ITPRID2: variants seen among roughly 807,000 people sequenced by gnomAD.
The protein encoded by ITPRID2 is protein ITPRID2.
ITPRID2 carries 60 observed loss-of-function variants against 124.3 expected under a neutral mutation model. That is an observed-to-expected ratio of 0.48 (90% CI 0.39 to 0.60). ITPRID2 has a LOEUF of 0.60. Ranked by LOEUF, ITPRID2 falls within the 20% of genes least tolerant of loss-of-function variation. The probability of loss-of-function intolerance (pLI) is 0.00; values close to 1 mark genes in which losing one functional copy is unlikely to be tolerated. For missense variants in ITPRID2, 1,553 were observed against 1,512.2 expected (o/e 1.03, Z -0.45); for synonymous variants, 521 against 542.9 (o/e 0.96, Z 0.56).
intron 10 of ITPRID2, 44 bp downstream of exon 10, chr2:181,913,977 T>G (rs62192080): frequency 0.17 from 227,097 of 1,326,086 alleles, 21,689 homozygotes; most frequent in Middle Eastern, 0.23. Flanking sequence ...AACTTCCTCA[T>G]TTTAAGGTGG....
chr2:181,922,014 G>A lies in ITPRID2; in HGVS notation c.3277G>A (p.Gly1093Arg), dbSNP rs1339551668. 6.2e-7 allele frequency: 1 copy of A among 1,614,142 alleles called. No individual in the cohort carries two copies. Residue 1093 changes from glycine (G) to arginine (R), a missense_variant, in exon 16 of 18, where the codon GGA (glycine) becomes AGA (arginine). Physicochemically the swap from Gly to Arg is moderately radical, Grantham distance 125. Coordinates refer to ENST00000431877, the MANE Select transcript of ITPRID2 (RefSeq NM_001130445.3). The stretch of plus-strand genomic sequence containing the variant: ...ATTGGGCCTGGGACTTGGAGAAATG[G>A]GATTTGAAATTCCTCCTGGAGAAAG... ...SELGLGLGEMGFEIPPGESSE... is the reference protein window; with the variant it reads ...SELGLGLGEMRFEIPPGESSE...
In ITPRID2 at chr2:181,910,542, A is replaced by G; in HGVS notation, c.1486+571A>G. ...TTCACTTTTAACTTGCAACAACAAC[A>G]ACAACAAAAATGTGTGATCTTTGGA... On this transcript the variant is annotated intron_variant, in intron 9 of 17. Transcript: ENST00000431877. This position sits in a 1 kb window ranked among gnomAD's most constrained non-coding sequence, Gnocchi z 4.1. 1 of 666,852 alleles carries G rather than the reference A, an allele frequency of 1.5e-6. No homozygotes were observed. The highest frequency in any genetic ancestry group is 2.7e-6 in the Non-Finnish European group (1 of 367,960). 41.3% of individuals were successfully genotyped at this position (666,852 alleles called of 1,614,324 possible). A position where few individuals can be genotyped will look rare whatever the true frequency, so the allele number is the denominator to read the frequency against.
Position 181,922,426 on chromosome 2 carries a change from G to T in ITPRID2, c.3675+14G>T, listed in dbSNP as rs781098146. ...GTCATACGGGAGGTGGGTAAAATCT[G>T]TGTTTCATTCATTTATTTGGAGGTA... On this transcript the variant is annotated intron_variant, in intron 16 of 17. Transcript: ENST00000431877. 6.3e-7 allele frequency: 1 copy of T among 1,581,846 alleles called. No individual in the cohort carries two copies. Among genetic ancestry groups the T allele is most frequent in the Non-Finnish European group, 8.6e-7 (1 of 1,163,118 alleles).
Position 181,919,451 on chromosome 2 carries a change from G to A in ITPRID2, c.3144+5G>A, listed in dbSNP as rs202098438. On this transcript the variant is annotated splice_donor_5th_base_variant and intron_variant, in intron 14 of 17. Transcript: ENST00000431877. The surrounding 1 kb of genome is among the most constrained non-coding windows in gnomAD (Gnocchi z 4.2). Reference sequence around the variant, plus strand: ...TTCCGCTCCTCCGCACTCATGGTACGCTACCTGGAGGGTGGTCGGAGTTTT... The same window carrying A: ...TTCCGCTCCTCCGCACTCATGGTACACTACCTGGAGGGTGGTCGGAGTTTT... The A allele has an allele frequency of 9.0e-6, 14 of 1,552,032 alleles. No individual in the cohort carries two copies. In the East Asian group the frequency reaches 9.2e-5, roughly 10 times the overall value.
At chr2:181,908,716 A>G (rs1376810412) in intron 8 of ITPRID2, among the ~76,000 whole-genome samples, 1 of 152,200 alleles carries the variant, frequency 6.6e-6, no homozygotes, top group Non-Finnish European at 1.5e-5. Flanking sequence ...TAAATTGGGT[A>G]ATACTATCTT....
rs1393966945 is a variant in ITPRID2, at chr2:181,902,807, G to A, written c.1413+341G>A. 2.6e-5 allele frequency among the ~76,000 whole-genome samples: 4 copies of A among 152,160 alleles called. No homozygotes were observed. Among genetic ancestry groups the A allele is most frequent in the African/African-American group, 9.7e-5 (4 of 41,434 alleles). On this transcript the variant is annotated intron_variant, in intron 8 of 17. Coordinates refer to ENST00000431877, the MANE Select transcript of ITPRID2 (RefSeq NM_001130445.3). This position sits in a 1 kb window ranked among gnomAD's most constrained non-coding sequence, Gnocchi z 4.4. The stretch of plus-strand genomic sequence containing the variant: ...ATATTGCATAATAGTTAGAAACACA[G>A]GCTTTGAAATCAAACAGGGCTTTGA...
chr2:181,897,911 T>A (rs1439684021), intron 4 of ITPRID2, among the ~76,000 whole-genome samples: 1 of 152,020 alleles, frequency 6.6e-6, no homozygotes, highest in Non-Finnish European at 1.5e-5. Flanking sequence ...TCAAGCTCTA[T>A]AAAGAGCTTA....
chr2:181,907,177 A>G lies in ITPRID2; in HGVS notation c.1414-2722A>G, dbSNP rs1475427333. 6.6e-6 allele frequency among the ~76,000 whole-genome samples: 1 copy of G among 152,192 alleles called. No homozygotes were observed. The highest frequency in any genetic ancestry group is 2.4e-5 in the African/African-American group (1 of 41,456). The stretch of plus-strand genomic sequence containing the variant: ...TACAATACAGTAGTATTGTGCCTAG[A>G]AGATCCCTCTTAGTCAAGGTAAACA... On this transcript the variant is annotated intron_variant, in intron 8 of 17. Coordinates refer to ENST00000431877, the MANE Select transcript of ITPRID2 (RefSeq NM_001130445.3). The surrounding 1 kb of genome is among the most constrained non-coding windows in gnomAD (Gnocchi z 5.1).
intron 8 of ITPRID2, among the ~76,000 whole-genome samples, chr2:181,908,058 T>A (rs906718302): frequency 5.9e-5 from 9 of 152,182 alleles, no homozygotes; most frequent in Admixed American, 2.6e-4. Context: ...GGAAATAGAA[T>A]ATGTGATAAT....
Position 181,902,544 on chromosome 2 carries a change from G to C in ITPRID2, c.1413+78G>C. The C allele has an allele frequency of 9.4e-7, 1 of 1,067,968 alleles. No individual in the cohort carries two copies. The highest frequency in any genetic ancestry group is 1.3e-6 in the Non-Finnish European group (1 of 752,820). 66.2% of individuals were successfully genotyped at this position (1,067,968 alleles called of 1,614,324 possible). On this transcript the variant is annotated intron_variant, in intron 8 of 17. Transcript: ENST00000431877. This position sits in a 1 kb window ranked among gnomAD's most constrained non-coding sequence, Gnocchi z 4.4. ...TACCAAAAATGCTTATAAAATGAGA[G>C]GTAGCTAATAGATTTATACTAGAAA... is the stretch of plus-strand genomic sequence containing the variant.
chr2:181,906,873 A>C (rs1321694528), intron 8 of ITPRID2, among the ~76,000 whole-genome samples: 1 of 152,224 alleles, frequency 6.6e-6, no homozygotes, highest in Non-Finnish European at 1.5e-5. Flanking sequence ...GGTGAAGGTC[A>C]GATATGTTGG....
rs1467599362 is a variant in ITPRID2 at position 181,919,396 on chromosome 2, C to G, written c.3094C>G (p.Gln1032Glu). The G allele has an allele frequency of 9.9e-6, 16 of 1,613,548 alleles. No homozygotes were observed. Among genetic ancestry groups the G allele is most frequent in the African/African-American group, 1.3e-5 (1 of 74,934 alleles). Residue 1032 changes from glutamine to glutamate, a missense_variant, in exon 14 of 18, where the codon CAG becomes GAG. Coordinates refer to ENST00000431877, the MANE Select transcript of ITPRID2 (RefSeq NM_001130445.3). This position sits in a 1 kb window ranked among gnomAD's most constrained non-coding sequence, Gnocchi z 4.2. Reference protein sequence around the residue: ...LEERLLGLEEQLRAVRMPSPF... With the variant: ...LEERLLGLEEELRAVRMPSPF... Reference sequence around the variant, plus strand: ...GGAGCGCCTGCTGGGCCTGGAGGAGCAGCTTCGTGCTGTGCGCATGCCTTC... The same window carrying G: ...GGAGCGCCTGCTGGGCCTGGAGGAGGAGCTTCGTGCTGTGCGCATGCCTTC...
chr2:181,899,556 C>G (rs2125066875), intron 6 of ITPRID2, among the ~76,000 whole-genome samples: 1 of 152,228 alleles, frequency 6.6e-6, no homozygotes, highest in South Asian at 2.1e-4. Context: ...TATAGTATAG[C>G]CAGGCCCAGT....
chr2:181,924,495 C>T (rs1395421347), intron 16 of ITPRID2, among the ~76,000 whole-genome samples: 1 of 152,108 alleles, frequency 6.6e-6, no homozygotes, highest in African/African-American at 2.4e-5. Flanking sequence ...CCCCTAATCC[C>T]ATTAACAAAG....
At chr2:181,894,662 T>A (rs541302047) in intron 2 of ITPRID2, 2 of 152,330 alleles carry the variant, frequency 1.3e-5, no homozygotes, top group South Asian at 4.1e-4. Flanking sequence ...GTGCCGTCCA[T>A]ATCCTGAATA....
chr2:181,898,906 C>G lies in ITPRID2; in HGVS notation c.391C>G (p.Gln131Glu). The change falls in exon 5 of 18, where the codon CAA becomes GAA. Residue 131 changes from glutamine to glutamate, a missense_variant. Gln to Glu is a conservative substitution (Grantham distance 29). Coordinates refer to ENST00000431877, the MANE Select transcript of ITPRID2 (RefSeq NM_001130445.3). ...CAACCACCTCCATGAAAGTGATGCT[C>G]AAATTGAAAACTGGTATGTAGCTGT... ...EANHLHESDA[Q>E]IENCNNILAK... 1 of 1,611,876 alleles carries G rather than the reference C, an allele frequency of 6.2e-7. No homozygotes were observed. Among genetic ancestry groups the G allele is most frequent in the Non-Finnish European group, 8.5e-7 (1 of 1,178,218 alleles).
At chr2:181,924,762 CAA>C (rs1439961608) in intron 16 of ITPRID2, among the ~76,000 whole-genome samples, 1 of 152,148 alleles carries the variant, frequency 6.6e-6, no homozygotes, top group Non-Finnish European at 1.5e-5. Flanking sequence ...TCTTTTCAGA[CAA>C]ATATTTAATA....
rs1241430204 is a variant in ITPRID2, at chr2:181,909,948, T to C, written c.1463T>C (p.Leu488Pro). 3 of 1,613,090 alleles carry C rather than the reference T, an allele frequency of 1.9e-6. No homozygotes were observed. The highest frequency in any genetic ancestry group is 2.5e-6 in the Non-Finnish European group (3 of 1,179,350). Residue 488 changes from leucine (L) to proline (P), a missense_variant, in exon 9 of 18, where the codon CTA becomes CCA. By Grantham distance (98) the Leu-to-Pro change is moderately conservative. Coordinates refer to ENST00000431877, the MANE Select transcript of ITPRID2 (RefSeq NM_001130445.3). The part of the protein sequence containing the change: ...EAPHVPATYQ[L>P]GLTKSKRDHL... ...CCTCATGTTCCAGCCACTTACCAGCTAGGTCTTACGAAGTCGAAAAGAGGT... is the reference window on the plus strand; with the variant it reads ...CCTCATGTTCCAGCCACTTACCAGCCAGGTCTTACGAAGTCGAAAAGAGGT...
Position 181,892,284 on chromosome 2 carries a change from G to A in ITPRID2, c.211+7G>A, listed in dbSNP as rs982542589. The A allele has an allele frequency of 1.9e-6, 3 of 1,542,218 alleles. No homozygotes were observed. In the African/African-American group the frequency reaches 4.1e-5, roughly 21 times the overall value. On this transcript the variant is annotated splice_region_variant and intron_variant, in intron 1 of 17. Coordinates refer to ENST00000431877, the MANE Select transcript of ITPRID2 (RefSeq NM_001130445.3). The surrounding 1 kb of genome is among the most constrained non-coding windows in gnomAD (Gnocchi z 5.2). ...CCGGCAGCGGGGGGAAGAGGTCGGTGCTCCCGGCCGGGCTCCGGGGGGAGG... is the reference window on the plus strand; with the variant it reads ...CCGGCAGCGGGGGGAAGAGGTCGGTACTCCCGGCCGGGCTCCGGGGGGAGG...
Sources: gnomAD v4.1 joint callset for allele counts (sites outside exome capture counted in the v4.1 genomes callset) on GRCh38, gnomAD v4.1.1 for gene constraint, Gnocchi (gnomAD v3.1) non-coding constraint, MANE v1.5 for transcripts, NCBI Gene and HGNC (gene_info 2026-07-23, HGNC 2026-07-21) for gene names.